DGKG: variants seen among roughly 807,000 people sequenced by gnomAD.
DGKG encodes DAG kinase gamma.
DGKG carries 78 observed loss-of-function variants against 105.3 expected under a neutral mutation model. The ratio of observed to expected loss-of-function variants is 0.74; its 90% CI spans 0.62 to 0.89. The LOEUF (loss-of-function observed/expected upper bound fraction) is 0.89, where lower values mean the gene tolerates loss of function less well. Among genes scored for constraint, DGKG ranks in the 40% least tolerant of loss-of-function variants. The pLI is 0.00. For missense variants in DGKG, 958 were observed against 1,020.1 expected (o/e 0.94, Z 0.83); for synonymous variants, 346 against 367.1 (o/e 0.94, Z 0.66).
chr3:186,287,565 G>T lies in DGKG; in HGVS notation c.544+1145C>A, dbSNP rs141304536. Among the ~76,000 whole-genome samples, 662 of 152,304 alleles carry T rather than the reference G, an allele frequency of 4.3e-3. 13 individuals carry two copies. Among genetic ancestry groups the T allele is most frequent in the East Asian group, 0.03 (158 of 5,190 alleles). ...GAGAGTCATTAATATAAAAAAATCTGTCACCTTCTCTTTGGTAGTCACTAA... is the reference window on the plus strand; with the variant it reads ...GAGAGTCATTAATATAAAAAAATCTTTCACCTTCTCTTTGGTAGTCACTAA... On this transcript the variant is annotated intron_variant, in intron 6 of 24. Transcript: ENST00000265022.
chr3:186,323,135 A>C (rs1725161095), intron 1 of DGKG, among the ~76,000 whole-genome samples: 1 of 152,164 alleles, frequency 6.6e-6, no homozygotes, highest in African/African-American at 2.4e-5. Flanking sequence ...CGGTAATAAA[A>C]TTCTTCAGTA....
At chr3:186,191,441 A>G (rs1282721774) in intron 21 of DGKG, among the ~76,000 whole-genome samples, 1 of 152,158 alleles carries the variant, frequency 6.6e-6, no homozygotes, top group Non-Finnish European at 1.5e-5. Flanking sequence ...TGGATTTGTC[A>G]AAGTGGCCCC....
chr3:186,356,518 G>C (rs1726969802), intron 1 of DGKG, among the ~76,000 whole-genome samples: 3 of 152,164 alleles, frequency 2.0e-5, no homozygotes, highest in African/African-American at 7.2e-5. Flanking sequence ...AAGCTCAACA[G>C]GTGTCAATGG....
At chr3:186,160,845 T>A in intron 24 of DGKG, 1 of 985,380 alleles carries the variant, frequency 1.0e-6, no homozygotes, top group Non-Finnish European at 1.2e-6. Context: ...GAAGGAAGGA[T>A]GCATGGCTCC....
chr3:186,176,790 T>C (rs985448745), intron 22 of DGKG, among the ~76,000 whole-genome samples: 1 of 152,198 alleles, frequency 6.6e-6, no homozygotes, highest in Non-Finnish European at 1.5e-5. Flanking sequence ...GATTAACACA[T>C]GCTGGATAAA....
chr3:186,257,712 T>C, intron 17 of DGKG, 142 bp downstream of exon 17: 1 of 570,988 alleles, frequency 1.8e-6, no homozygotes, highest in African/African-American at 1.9e-5. Context: ...CCAAAGCAAA[T>C]ATTTAGTCAA....
chr3:186,347,577 G>A (rs1007053466), intron 1 of DGKG, among the ~76,000 whole-genome samples: 8 of 147,488 alleles, frequency 5.4e-5, no homozygotes, highest in South Asian at 2.2e-4. Context: ...CCTTTTTTAC[G>A]TATTTTTTTT....
intron 3 of DGKG, among the ~76,000 whole-genome samples, chr3:186,300,328 C>A (rs1723862383): frequency 6.6e-6 from 1 of 152,146 alleles, no homozygotes; most frequent in Admixed American, 6.5e-5. Context: ...CCAAACAGAC[C>A]AGATTAGCCT....
intron 5 of DGKG, among the ~76,000 whole-genome samples, chr3:186,291,279 T>C (rs1181806902): frequency 6.6e-6 from 1 of 152,156 alleles, no homozygotes; most frequent in South Asian, 2.1e-4. Context: ...GACAATGACA[T>C]GATAAGACAT....
chr3:186,302,144 G>A (rs969570601), intron 3 of DGKG, among the ~76,000 whole-genome samples: 7 of 152,086 alleles, frequency 4.6e-5, no homozygotes, highest in Non-Finnish European at 1.0e-4. Flanking sequence ...ACACTCATAT[G>A]TGCTGCTCTG....
At position 186,313,711 on chromosome 3, in the gene DGKG, T is replaced by C. The variant is rs192292229; in HGVS notation, c.67+6682A>G. The stretch of plus-strand genomic sequence containing the variant: ...TGTGTACATTAAACATTGAGAGCTA[T>C]TGTTCCATAGAAATTCCTCCCTATC... On this transcript the variant is annotated intron_variant, in intron 2 of 24. Transcript: ENST00000265022. Among the ~76,000 whole-genome samples the C allele has an allele frequency of 2.7e-3, 416 of 152,302 alleles. 3 individuals are homozygous for C. The highest frequency in any genetic ancestry group is 7.0e-3 in the Admixed American group (107 of 15,300).
In DGKG at chr3:186,261,883, A is replaced by C. The variant is rs1578742764; in HGVS notation, c.1270-105T>G. 4.3e-6 allele frequency: 3 copies of C among 691,844 alleles called. No individual in the cohort carries two copies. In the East Asian group the frequency reaches 8.5e-5, roughly 20 times the overall value. 42.9% of individuals were successfully genotyped at this position (691,844 alleles called of 1,614,324 possible). ...TTCGGAGAGGCAGATGAGAAGCAGGAGGGCAGGCAGTCAGGTGTTTTTCCA... is the reference window on the plus strand; with the variant it reads ...TTCGGAGAGGCAGATGAGAAGCAGGCGGGCAGGCAGTCAGGTGTTTTTCCA... On this transcript the variant is annotated intron_variant, in intron 14 of 24. Coordinates refer to ENST00000265022, the MANE Select transcript of DGKG (RefSeq NM_001346.3).
rs888866833 is a variant in DGKG at position 186,284,931 on chromosome 3, A to T, written c.545-222T>A. ...TTCTGGACCTGTCTAAGCAATACCT[A>T]TGTGGCTGATGAAGTCCAGGTCATG... On this transcript the variant is annotated intron_variant, in intron 6 of 24. Transcript: ENST00000265022. This position sits in a 1 kb window ranked among gnomAD's most constrained non-coding sequence, Gnocchi z 4.0. Among the ~76,000 whole-genome samples, 9 of 152,334 alleles carry T rather than the reference A, an allele frequency of 5.9e-5. No homozygotes were observed. Among genetic ancestry groups the T allele is most frequent in the Middle Eastern group, 6.8e-3 (2 of 294 alleles).
intron 5 of DGKG, among the ~76,000 whole-genome samples, chr3:186,292,651 G>A (rs1723362087): frequency 1.4e-5 from 2 of 147,020 alleles, no homozygotes; most frequent in Non-Finnish European, 3.1e-5. Flanking sequence ...AAAATTAGCT[G>A]GGCGTGGTGG....
At chr3:186,267,541 A>G (rs1169509707) in intron 13 of DGKG, 144 bp downstream of exon 13, 3 of 663,236 alleles carry the variant, frequency 4.5e-6, no homozygotes, top group African/African-American at 3.6e-5. Flanking sequence ...ACCTAAAATA[A>G]CAGTAAAAAA....
At chr3:186,351,941 T>A (rs941163402) in intron 1 of DGKG, among the ~76,000 whole-genome samples, 5 of 152,164 alleles carry the variant, frequency 3.3e-5, no homozygotes, top group Admixed American at 6.5e-5. Flanking sequence ...TTAGCAATGG[T>A]TCTTAACTCT....
intron 22 of DGKG, among the ~76,000 whole-genome samples, chr3:186,170,527 C>G (rs1018957375): frequency 6.6e-6 from 1 of 152,076 alleles, no homozygotes; most frequent in African/African-American, 2.4e-5. Flanking sequence ...AGAAAACTGC[C>G]CAAAATATAT....
intron 3 of DGKG, among the ~76,000 whole-genome samples, chr3:186,301,208 T>C (rs1460525064): frequency 2.6e-5 from 4 of 152,212 alleles, no homozygotes; most frequent in Non-Finnish European, 5.9e-5. Context: ...ACCTGGGCCA[T>C]TGCAATACCT....
At chr3:186,298,957 G>GAAGGTAGAA (rs1428416859) in intron 3 of DGKG, among the ~76,000 whole-genome samples, 2 of 152,224 alleles carry the variant, frequency 1.3e-5, no homozygotes, top group African/African-American at 4.8e-5. Context: ...GCCAAGGACA[G>GAAGGTAGAA]AAGGTAGAAC....
Sources: gnomAD v4.1 joint callset for allele counts (sites outside exome capture counted in the v4.1 genomes callset) on GRCh38, gnomAD v4.1.1 for gene constraint, Gnocchi (gnomAD v3.1) non-coding constraint, MANE v1.5 for transcripts, NCBI Gene and HGNC (gene_info 2026-07-23, HGNC 2026-07-21) for gene names.